Variants in NAPA observed in about 807,000 individuals in gnomAD.
NAPA encodes NSF attachment protein alpha, also known as alpha-soluble NSF attachment protein.
Under a neutral mutation model 48.0 loss-of-function variants are expected in NAPA, and 18 were observed. The ratio of observed to expected loss-of-function variants is 0.38; its 90% CI spans 0.26 to 0.56. NAPA has a LOEUF of 0.56. NAPA is among the 20% of genes least tolerant of loss of function. The probability of loss-of-function intolerance (pLI) is 0.77; values close to 1 mark genes in which losing one functional copy is unlikely to be tolerated. For synonymous variants in NAPA, 152 were observed against 149.9 expected, an observed-to-expected ratio of 1.01 and a Z score of -0.10; for missense variants, 315 against 385.0, an observed-to-expected ratio of 0.82 and a Z score of 1.52.
At chr19:47,509,854 C>T (rs1186046816) in intron 1 of NAPA, among the ~76,000 whole-genome samples, 1 of 152,204 alleles carries the variant, frequency 6.6e-6, no homozygotes, top group Non-Finnish European at 1.5e-5. Context: ...CCCTCCTGCA[C>T]CCCAACGGGA....
intron 9 of NAPA, 126 bp from the exon 10 acceptor site, chr19:47,489,887 G>T: frequency 1.1e-6 from 1 of 910,904 alleles, no homozygotes; most frequent in Non-Finnish European, 1.7e-6. Flanking sequence ...ACTCTCAGAG[G>T]GTCAATCCGT....
chr19:47,486,444 T>C (rs918862997), downstream of NAPA, among the ~76,000 whole-genome samples: 1 of 152,126 alleles, frequency 6.6e-6, no homozygotes, highest in Non-Finnish European at 1.5e-5. Context: ...CTGGATACTT[T>C]TATTTTTGCA....
chr19:47,494,436 C>T (rs999909497), intron 4 of NAPA, among the ~76,000 whole-genome samples: 5 of 151,972 alleles, frequency 3.3e-5, no homozygotes, highest in Admixed American at 2.6e-4. Flanking sequence ...ACAGGGCAAG[C>T]GGAGAGGCAA....
intron 1 of NAPA, among the ~76,000 whole-genome samples, chr19:47,507,536 A>C (rs1275820371): frequency 1.3e-5 from 2 of 151,942 alleles, no homozygotes; most frequent in African/African-American, 4.8e-5. Context: ...GACTCACTCT[A>C]TCTCTCTTGC....
At chr19:47,490,375 A>G (rs1290315741) in intron 9 of NAPA, among the ~76,000 whole-genome samples, 1 of 98,330 alleles carries the variant, frequency 1.0e-5, no homozygotes, top group African/African-American at 4.1e-5. Flanking sequence ...GTGTGTGTGT[A>G]GTGTGTGTGG....
At position 47,492,118 on chromosome 19, in the gene NAPA, A is replaced by C. The variant is rs1599894566; in HGVS notation, c.563T>G (p.Val188Gly). 1.2e-6 allele frequency: 2 copies of C among 1,613,262 alleles called. No individual in the cohort carries two copies. Among genetic ancestry groups the C allele is most frequent in the Admixed American group, 3.3e-5 (2 of 59,970 alleles). ...YQKAIDIYEQVGTNAMDSPLL... is the reference protein window; with the variant it reads ...YQKAIDIYEQGGTNAMDSPLL... ...GGGGCTGTCCATGGCATTGGTCCCCACCTGTAGCCATGGAGAAGTGGCACT... is the reference window on the plus strand; with the variant it reads ...GGGGCTGTCCATGGCATTGGTCCCCCCCTGTAGCCATGGAGAAGTGGCACT... The change falls in exon 8 of 11, where the codon GTG becomes GGG. Residue 188 changes from valine (V) to glycine (G), a missense_variant and splice_region_variant. Physicochemically the swap from Val to Gly is moderately radical, Grantham distance 109. Transcript: ENST00000263354.
intron 9 of NAPA, among the ~76,000 whole-genome samples, chr19:47,490,562 G>A (rs1968234919): frequency 6.6e-6 from 1 of 151,534 alleles, no homozygotes; most frequent in African/African-American, 2.4e-5. Flanking sequence ...TGTAGTGTGT[G>A]TGTGTGTGTC....
At chr19:47,513,470 G>A (rs1188359007) in intron 1 of NAPA, among the ~76,000 whole-genome samples, 2 of 152,146 alleles carry the variant, frequency 1.3e-5, no homozygotes, top group African/African-American at 4.8e-5. Flanking sequence ...CCTTTAGCAG[G>A]GAGACTAAAC....
downstream of NAPA, among the ~76,000 whole-genome samples, chr19:47,485,958 C>T (rs558705072): frequency 2.6e-5 from 4 of 152,226 alleles, no homozygotes; most frequent in South Asian, 2.1e-4. Flanking sequence ...ACATGTTGAG[C>T]GGATGAATGA....
At chr19:47,490,936 G>A in intron 8 of NAPA, 80 bp from the exon 9 acceptor site, 1 of 1,263,364 alleles carries the variant, frequency 7.9e-7, no homozygotes, top group Non-Finnish European at 1.1e-6. Flanking sequence ...GAGGGGACTT[G>A]GGGATGTCGG....
chr19:47,508,901 C>G (rs1381656166), intron 1 of NAPA, among the ~76,000 whole-genome samples: 2 of 151,830 alleles, frequency 1.3e-5, no homozygotes, highest in African/African-American at 2.4e-5. Flanking sequence ...CTGGGCAACA[C>G]AGTGAGACCC....
rs780953825 is a variant in NAPA at position 47,488,281 on chromosome 19, G to A, written c.*7C>T. On this transcript the variant is annotated 3_prime_UTR_variant, in exon 11 of 11. Transcript: ENST00000263354. Reference sequence around the variant, plus strand: ...AGGAAGACGGGCACTGGGGGGCTGGGTGGGGCTTAGCGCAGGTCCTCCTCA... The same window carrying A: ...AGGAAGACGGGCACTGGGGGGCTGGATGGGGCTTAGCGCAGGTCCTCCTCA... 2.5e-6 allele frequency: 4 copies of A among 1,607,334 alleles called. No homozygotes were observed. The South Asian group carries it at 4.4e-5, about 18-fold the overall frequency.
chr19:47,488,084 G>C lies in NAPA; in HGVS notation c.*204C>G. The C allele has an allele frequency of 7.3e-6, 4 of 548,542 alleles. No individual in the cohort carries two copies. Among genetic ancestry groups the C allele is most frequent in the Non-Finnish European group, 1.3e-5 (4 of 303,312 alleles). 34.0% of individuals were successfully genotyped at this position (548,542 alleles called of 1,614,324 possible). A position where few individuals can be genotyped will look rare whatever the true frequency, so the allele number is the denominator to read the frequency against. On this transcript the variant is annotated 3_prime_UTR_variant, in exon 11 of 11. Coordinates refer to ENST00000263354, the MANE Select transcript of NAPA (RefSeq NM_003827.4). ...TTAAATAAATGGACAGGGGGCAAGG[G>C]ATGTAGCGAGAACAGAGGGTGACTG... is the stretch of plus-strand genomic sequence containing the variant.
At chr19:47,490,196 TGTG>T (rs1968207196) in intron 9 of NAPA, among the ~76,000 whole-genome samples, 1 of 137,380 alleles carries the variant, frequency 7.3e-6, no homozygotes, top group East Asian at 2.2e-4. Context: ...GTGTGTGCAA[TGTG>T]TGTGTGTGGG....
chr19:47,500,107 G>A (rs892304405), intron 3 of NAPA, among the ~76,000 whole-genome samples: 1 of 152,170 alleles, frequency 6.6e-6, no homozygotes, highest in Non-Finnish European at 1.5e-5. Flanking sequence ...TCCCTAGCAC[G>A]CTCTCATTTT....
rs372591124 is a variant in NAPA, at chr19:47,493,186, C to T, written c.421-12G>A. On this transcript the variant is annotated splice_polypyrimidine_tract_variant and intron_variant, in intron 5 of 10. Coordinates refer to ENST00000263354, the MANE Select transcript of NAPA (RefSeq NM_003827.4). The surrounding 1 kb of genome is among the most constrained non-coding windows in gnomAD (Gnocchi z 6.4). The stretch of plus-strand genomic sequence containing the variant: ...TAGTGGGCAATGGCCTGGGGAGACA[C>T]GGGGGATGGGTTCCAGGGGAGGGCA... 149 of 1,577,158 alleles carry T rather than the reference C, an allele frequency of 9.4e-5. 3 individuals are homozygous for T. The highest frequency in any genetic ancestry group is 4.8e-4 in the South Asian group (41 of 85,084).
intron 7 of NAPA, 163 bp from the exon 8 acceptor site, chr19:47,492,282 G>C (rs934661676): frequency 2.3e-5 from 14 of 615,632 alleles, no homozygotes; most frequent in Non-Finnish European, 3.7e-5. Flanking sequence ...CCAGCTTGGA[G>C]AGGTCAGCGG....
chr19:47,487,404 C>A (rs1056741307), downstream of NAPA, among the ~76,000 whole-genome samples: 1 of 152,194 alleles, frequency 6.6e-6, no homozygotes, highest in African/African-American at 2.4e-5. Flanking sequence ...CCCCAAGAAC[C>A]CAGAGAAAGA....
intron 3 of NAPA, chr19:47,496,359 C>A (rs914653951): frequency 3.9e-5 from 6 of 152,896 alleles, no homozygotes; most frequent in African/African-American, 1.4e-4. Context: ...CTATCTCTTG[C>A]AAGATTTTAA....
Sources: allele counts gnomAD v4.1 joint callset (sites outside exome capture counted in the v4.1 genomes callset), GRCh38; gene constraint gnomAD v4.1.1; non-coding constraint Gnocchi (gnomAD v3.1); transcripts MANE v1.5; gene names NCBI Gene and HGNC (gene_info 2026-07-23, HGNC 2026-07-21).